The following GPX8 variants were observed in gnomAD, a reference collection of about 807,000 sequenced individuals.
The protein encoded by GPX8 is protein peroxidase GPX8.
In GPX8, 12 loss-of-function variants were observed where a neutral mutation model predicts 17.8. The observed-to-expected ratio is 0.67, with a 90% confidence interval of 0.43 to 1.09. The LOEUF is 1.09. Among genes scored for constraint, GPX8 ranks in the 50% least tolerant of loss-of-function variants. GPX8 has a pLI of 0.00. For missense variants in GPX8, 209 were observed against 235.6 expected (o/e 0.89, Z 0.74); for synonymous variants, 86 against 88.1 (o/e 0.98, Z 0.14).
At chr5:55,162,762 G>A (rs1277150836) in intron 2 of GPX8, among the ~76,000 whole-genome samples, 2 of 152,250 alleles carry the variant, frequency 1.3e-5, no homozygotes, top group Non-Finnish European at 2.9e-5. Flanking sequence ...ATACGTGGGT[G>A]CAATAGCTCA....
rs1744294573 is a variant in GPX8 at position 55,164,814 on chromosome 5, G to A, written c.*596G>A. 6.6e-6 allele frequency: 1 copy of A among 152,038 alleles called. No homozygotes were observed. The highest frequency in any genetic ancestry group is 6.6e-5 in the Admixed American group (1 of 15,258). The allele number at this position is 152,038 out of a possible 1,614,324, so 9.4% of individuals were successfully genotyped here. On this transcript the variant is annotated 3_prime_UTR_variant, in exon 3 of 3. Transcript: ENST00000503787. ...TTTTGTTTTTTCTTTTTAAGTACAG[G>A]TTCCTAGTGTTTTACTATAACTGTC... is the stretch of plus-strand genomic sequence containing the variant.
rs1485796585 is a variant in GPX8 at position 55,161,206 on chromosome 5, G to A, written c.417G>A (p.Lys139=). ...GAGTAACTTTCCCCATCTTCCACAA[G>A]ATTAAGATTCTAGGATCTGAAGGAG... is the stretch of plus-strand genomic sequence containing the variant. The part of the protein sequence containing the change: ...NYGVTFPIFH[K]IKILGSEGEP... Residue 139 remains lysine, a synonymous_variant, in exon 2 of 3, where the codon AAG becomes AAA. Transcript: ENST00000503787. The A allele has an allele frequency of 6.2e-7, 1 of 1,614,140 alleles. No individual in the cohort carries two copies.
At chr5:55,162,374 G>A (rs1319482844) in intron 2 of GPX8, among the ~76,000 whole-genome samples, 5 of 152,180 alleles carry the variant, frequency 3.3e-5, no homozygotes, top group Admixed American at 6.5e-5. Flanking sequence ...CAGCCTGGGC[G>A]ACAGAGCAAG....
At position 55,161,126 on chromosome 5, in the gene GPX8, G is replaced by A. The variant is rs1744031463; in HGVS notation, c.337G>A (p.Glu113Lys). 2 of 1,614,062 alleles carry A rather than the reference G, an allele frequency of 1.2e-6. No homozygotes were observed. The highest frequency in any genetic ancestry group is 2.7e-5 in the African/African-American group (2 of 74,934). The change falls in exon 2 of 3, where the codon GAA becomes AAA. Residue 113 changes from glutamate to lysine, a missense_variant. By Grantham distance (56) the Glu-to-Lys change is moderately conservative. Transcript: ENST00000503787. ...VLAFPCNQFG[E>K]SEPRPSKEVE... The stretch of plus-strand genomic sequence containing the variant: ...GGCTTTTCCCTGCAATCAGTTTGGA[G>A]AATCGGAGCCCCGCCCAAGCAAGGA...
intron 2 of GPX8, among the ~76,000 whole-genome samples, chr5:55,162,134 G>A (rs1237158841): frequency 7.0e-6 from 1 of 143,642 alleles, no homozygotes; most frequent in Admixed American, 7.0e-5. Flanking sequence ...GGTGGCTCAC[G>A]CCTGTAATCC....
Position 55,161,012 on chromosome 5 carries a change from G to T in GPX8, c.223G>T (p.Val75Leu). Residue 75 changes from valine (V) to leucine (L), a missense_variant, in exon 2 of 3, where the codon GTG becomes TTG. By Grantham distance (32) the Val-to-Leu change is conservative. Transcript: ENST00000503787. ...YKGKVSLVVN[V>L]ASDCQLTDRN... The stretch of plus-strand genomic sequence containing the variant: ...CCGGGAGGTTTCACTAGTTGTAAAC[G>T]TGGCCAGTGACTGCCAACTCACAGA... 6.2e-7 allele frequency: 1 copy of T among 1,612,848 alleles called. No homozygotes were observed. The highest frequency in any genetic ancestry group is 8.5e-7 in the Non-Finnish European group (1 of 1,179,510).
intron 2 of GPX8, among the ~76,000 whole-genome samples, chr5:55,162,912 G>C (rs1265009038): frequency 1.3e-5 from 2 of 152,198 alleles, no homozygotes; most frequent in Non-Finnish European, 2.9e-5. Flanking sequence ...CATGAGCTCT[G>C]GAGTAAAAGG....
chr5:55,161,317 G>A (rs2111944522), intron 2 of GPX8, 62 bp downstream of exon 2: 2 of 1,420,488 alleles, frequency 1.4e-6, no homozygotes, highest in East Asian at 2.3e-5. Flanking sequence ...AATTATACCA[G>A]GACAATACTT....
intron 2 of GPX8, among the ~76,000 whole-genome samples, chr5:55,163,460 C>T (rs1193095579): frequency 6.6e-6 from 1 of 152,092 alleles, no homozygotes; most frequent in Non-Finnish European, 1.5e-5. Context: ...GTGGCACACA[C>T]CTGTAATCCC....
rs1744415850 is a variant in GPX8 at position 55,166,810 on chromosome 5, C to T, written c.*2592C>T. The T allele has an allele frequency of 2.0e-5, 3 of 152,318 alleles. No individual in the cohort carries two copies. Among genetic ancestry groups the T allele is most frequent in the South Asian group, 2.1e-4 (1 of 4,832 alleles). The allele number at this position is 152,318 out of a possible 1,614,324, so 9.4% of individuals were successfully genotyped here. On this transcript the variant is annotated 3_prime_UTR_variant, in exon 3 of 3. Coordinates refer to ENST00000503787, the MANE Select transcript of GPX8 (RefSeq NM_001008397.4). Reference sequence around the variant, plus strand: ...TTGGGAGGCCGAGGCGGGTGGATCACTTCAGGTCAGGAGTTCGAGACCATC... The same window carrying T: ...TTGGGAGGCCGAGGCGGGTGGATCATTTCAGGTCAGGAGTTCGAGACCATC...
chr5:55,166,066 G>A lies in GPX8; in HGVS notation c.*1848G>A, dbSNP rs1744366268. 6.6e-6 allele frequency: 1 copy of A among 152,230 alleles called. No homozygotes were observed. Among genetic ancestry groups the A allele is most frequent in the Non-Finnish European group, 1.5e-5 (1 of 68,046 alleles). The allele number at this position is 152,230 out of a possible 1,614,324, so 9.4% of individuals were successfully genotyped here. ...TCAGGTGGCCCCTCCAAGTGTTGGT[G>A]CCAGAGCACTCTTGCCTTGTATCCT... On this transcript the variant is annotated 3_prime_UTR_variant, in exon 3 of 3. Coordinates refer to ENST00000503787, the MANE Select transcript of GPX8 (RefSeq NM_001008397.4).
Position 55,166,106 on chromosome 5 carries a change from A to G in GPX8, c.*1888A>G, listed in dbSNP as rs990288760. ...CCTTGTATCCTCACCTACGCCTTCCATGAACTCATAGCAGTGCTGTGGCAC... is the reference window on the plus strand; with the variant it reads ...CCTTGTATCCTCACCTACGCCTTCCGTGAACTCATAGCAGTGCTGTGGCAC... On this transcript the variant is annotated 3_prime_UTR_variant, in exon 3 of 3. Transcript: ENST00000503787. 6.6e-6 allele frequency: 1 copy of G among 152,220 alleles called. No homozygotes were observed. The highest frequency in any genetic ancestry group is 6.5e-5 in the Admixed American group (1 of 15,282). 9.4% of individuals were successfully genotyped at this position (152,220 alleles called of 1,614,324 possible).
chr5:55,162,888 C>T (rs1216435762), intron 2 of GPX8, among the ~76,000 whole-genome samples: 2 of 152,044 alleles, frequency 1.3e-5, no homozygotes, highest in African/African-American at 4.8e-5. Context: ...ATCATAGAGC[C>T]CAAAGGTTAA....
intron 1 of GPX8, 61 bp downstream of exon 1, chr5:55,160,457 T>A: frequency 7.3e-7 from 1 of 1,372,438 alleles, no homozygotes; most frequent in Non-Finnish European, 1.0e-6. Flanking sequence ...TTATTCCTCT[T>A]AATAAAATCA....
Position 55,164,278 on chromosome 5 carries a change from T to C in GPX8, c.*60T>C, listed in dbSNP as rs946012523. On this transcript the variant is annotated 3_prime_UTR_variant, in exon 3 of 3. Transcript: ENST00000503787. The stretch of plus-strand genomic sequence containing the variant: ...GTCTCCATGAGGGTTTGGTCTCATT[T>C]TAAACATTTTTTTTTTGGAGACAGT... 2 of 1,329,760 alleles carry C rather than the reference T, an allele frequency of 1.5e-6. No homozygotes were observed. Among genetic ancestry groups the C allele is most frequent in the African/African-American group, 3.0e-5 (2 of 67,344 alleles). The allele number at this position is 1,329,760 out of a possible 1,614,324, so 82.4% of individuals were successfully genotyped here. A position where few individuals can be genotyped will look rare whatever the true frequency, so the allele number is the denominator to read the frequency against.
rs1744329752 is a variant in GPX8, at chr5:55,165,432, A to G, written c.*1214A>G. On this transcript the variant is annotated 3_prime_UTR_variant, in exon 3 of 3. Transcript: ENST00000503787. ...GTAAAAAAGTCGTATAAATTTGTCTAAGAAGAAAAAGACCCAATTTAAGTA... is the reference window on the plus strand; with the variant it reads ...GTAAAAAAGTCGTATAAATTTGTCTGAGAAGAAAAAGACCCAATTTAAGTA... The G allele has an allele frequency of 6.6e-6, 1 of 152,238 alleles. No homozygotes were observed. Among genetic ancestry groups the G allele is most frequent in the African/African-American group, 2.4e-5 (1 of 41,472 alleles). The allele number at this position is 152,238 out of a possible 1,614,324, so 9.4% of individuals were successfully genotyped here.
At position 55,166,347 on chromosome 5, in the gene GPX8, A is replaced by G. The variant is rs971586607; in HGVS notation, c.*2129A>G. Reference sequence around the variant, plus strand: ...AGATAAAGTGGGTTTCTTCACTTACATCTCTCTAATCTTGGCTGCCTTATT... The same window carrying G: ...AGATAAAGTGGGTTTCTTCACTTACGTCTCTCTAATCTTGGCTGCCTTATT... On this transcript the variant is annotated 3_prime_UTR_variant, in exon 3 of 3. Transcript: ENST00000503787. The G allele has an allele frequency of 6.6e-6, 1 of 152,154 alleles. No homozygotes were observed. The allele number at this position is 152,154 out of a possible 1,614,324, so 9.4% of individuals were successfully genotyped here. A position where few individuals can be genotyped will look rare whatever the true frequency, so the allele number is the denominator to read the frequency against.
chr5:55,160,962 T>C, intron 1 of GPX8, 32 bp from the exon 2 acceptor site: 1 of 1,583,310 alleles, frequency 6.3e-7, no homozygotes, highest in Non-Finnish European at 8.6e-7. Flanking sequence ...TTTGCTTCAC[T>C]TTCCGGTTGG....
At position 55,160,368 on chromosome 5, in the gene GPX8, C is replaced by A. The variant is rs915747215; in HGVS notation, c.176C>A (p.Thr59Asn). 2 of 1,612,818 alleles carry A rather than the reference C, an allele frequency of 1.2e-6. No individual in the cohort carries two copies. The highest frequency in any genetic ancestry group is 1.7e-6 in the Non-Finnish European group (2 of 1,179,850). The stretch of plus-strand genomic sequence containing the variant: ...GAAGTGAAGGATGCAAAAGGAAGAA[C>A]TGTTTCTCTGGAAAAGTATAAAGGC... ...AFEVKDAKGR[T>N]VSLEKYKGKV... The change falls in exon 1 of 3, where the codon ACT becomes AAT. Residue 59 changes from threonine (T) to asparagine (N), a missense_variant. By Grantham distance (65) the Thr-to-Asn change is moderately conservative. Transcript: ENST00000503787.
Sources: gnomAD v4.1 joint callset for allele counts (sites outside exome capture counted in the v4.1 genomes callset) on GRCh38, gnomAD v4.1.1 for gene constraint, MANE v1.5 for transcripts, NCBI Gene and HGNC (gene_info 2026-07-23, HGNC 2026-07-21) for gene names.